The following SETBP1 variants were observed in gnomAD, a reference collection of about 807,000 sequenced individuals.
SETBP1 encodes SET binding protein 1, also known as SET-binding protein.
A neutral mutation model predicts 101.0 loss-of-function variants in SETBP1; 9 were observed. The observed-to-expected ratio is 0.09, with a 90% CI of 0.05 to 0.16. The LOEUF (loss-of-function observed/expected upper bound fraction) is 0.16. Ranked by LOEUF, SETBP1 falls within the 10% of genes least tolerant of loss-of-function variation. The pLI is 1.00. For synonymous variants in SETBP1, 818 were observed against 788.5 expected (o/e 1.04, Z -0.63); for missense variants, 1,858 against 2,033.8 (o/e 0.91, Z 1.66).
At chr18:45,044,308 A>C (rs1292661226) in intron 5 of SETBP1, among the ~76,000 whole-genome samples, 1 of 152,202 alleles carries the variant, frequency 6.6e-6, no homozygotes, top group Admixed American at 6.5e-5. Flanking sequence ...CTTAAATTTA[A>C]AGCAATCGTT....
chr18:44,936,370 G>T (rs1324783079), intron 3 of SETBP1, among the ~76,000 whole-genome samples: 1 of 152,178 alleles, frequency 6.6e-6, no homozygotes, highest in Non-Finnish European at 1.5e-5. Flanking sequence ...ATTCCAATTA[G>T]CCCCTCCAAG....
intron 3 of SETBP1, among the ~76,000 whole-genome samples, chr18:44,882,671 G>A (rs2069557412): frequency 6.6e-6 from 1 of 152,098 alleles, no homozygotes; most frequent in South Asian, 2.1e-4. Context: ...AGGGCTCCCT[G>A]TTCACAAGGA....
At chr18:44,766,405 A>G (rs1475995916) in intron 2 of SETBP1, among the ~76,000 whole-genome samples, 1 of 152,246 alleles carries the variant, frequency 6.6e-6, no homozygotes, top group African/African-American at 2.4e-5. Flanking sequence ...TACAACATGG[A>G]TGAGACTTGA....
intron 4 of SETBP1, among the ~76,000 whole-genome samples, chr18:44,972,834 T>C (rs906158899): frequency 1.3e-5 from 2 of 152,246 alleles, no homozygotes; most frequent in Non-Finnish European, 2.9e-5. Context: ...AGGGACAATT[T>C]GACTTCCTCT....
intron 3 of SETBP1, among the ~76,000 whole-genome samples, chr18:44,936,652 G>C (rs1022595792): frequency 2.6e-5 from 4 of 152,190 alleles, no homozygotes; most frequent in African/African-American, 9.7e-5. Context: ...TTTGCTCTCA[G>C]TTGCAGTGAC....
chr18:44,699,682 C>T (rs755364439), intron 1 of SETBP1, among the ~76,000 whole-genome samples: 10 of 152,146 alleles, frequency 6.6e-5, no homozygotes, highest in Admixed American at 2.0e-4. Flanking sequence ...GAATCTTCCC[C>T]GAAGTGGAAG....
intron 5 of SETBP1, among the ~76,000 whole-genome samples, chr18:45,051,637 C>G (rs2073723263): frequency 6.6e-6 from 1 of 152,214 alleles, no homozygotes; most frequent in Non-Finnish European, 1.5e-5. Flanking sequence ...CTCTCTCCCT[C>G]TAATGTATAA....
intron 1 of SETBP1, among the ~76,000 whole-genome samples, chr18:44,699,814 A>G (rs1170563719): frequency 6.6e-6 from 1 of 152,192 alleles, no homozygotes; most frequent in Non-Finnish European, 1.5e-5. Flanking sequence ...TGGCTTCCTC[A>G]CAGGGCGTCA....
In SETBP1 at chr18:44,776,385, C is replaced by A. The variant is rs921835178; in HGVS notation, c.486+74553C>A. On this transcript the variant is annotated intron_variant, in intron 2 of 5. Coordinates refer to ENST00000649279, the MANE Select transcript of SETBP1 (RefSeq NM_015559.3). The stretch of plus-strand genomic sequence containing the variant: ...GCTAGATTGTTTTTTTTCTAAAAGG[C>A]CAAAGAAAATATGATTTCAAAACCA... 2.0e-5 allele frequency among the ~76,000 whole-genome samples: 3 copies of A among 152,014 alleles called. No homozygotes were observed. In the East Asian group the frequency reaches 5.8e-4, roughly 29 times the overall value.
intron 2 of SETBP1, among the ~76,000 whole-genome samples, chr18:44,840,374 G>T (rs142521785): frequency 6.6e-6 from 1 of 152,310 alleles, no homozygotes; most frequent in Non-Finnish European, 1.5e-5. Flanking sequence ...AGGGGCTCAT[G>T]CTTAGTGGCA....
intron 5 of SETBP1, among the ~76,000 whole-genome samples, chr18:45,057,854 A>C (rs147161920): frequency 6.6e-6 from 1 of 152,258 alleles, no homozygotes; most frequent in South Asian, 2.1e-4. Context: ...AGAATCTTCT[A>C]TATAACTAAG....
Position 44,701,185 on chromosome 18 carries a change from G to C in SETBP1, c.-162G>C. 3.1e-6 allele frequency: 2 copies of C among 655,474 alleles called. No individual in the cohort carries two copies. The highest frequency in any genetic ancestry group is 4.8e-6 in the Non-Finnish European group (2 of 415,458). 40.6% of individuals were successfully genotyped at this position (655,474 alleles called of 1,614,324 possible). ...CTCTTTGCTTCTCAGTTGCAGATCT[G>C]ATCTCTTCTGAACACCTCATCGTGT... On this transcript the variant is annotated 5_prime_UTR_variant, in exon 2 of 6. Transcript: ENST00000649279.
chr18:45,058,439 G>A (rs945814075), intron 5 of SETBP1, among the ~76,000 whole-genome samples: 5 of 152,100 alleles, frequency 3.3e-5, no homozygotes, highest in Non-Finnish European at 5.9e-5. Flanking sequence ...CCCCACATTT[G>A]GGGATGCAAT....
chr18:44,810,828 G>A (rs906597196), intron 2 of SETBP1, among the ~76,000 whole-genome samples: 1 of 152,210 alleles, frequency 6.6e-6, no homozygotes, highest in African/African-American at 2.4e-5. Context: ...TCTCAAGCCT[G>A]AAGGGACACT....
chr18:44,878,191 G>C (rs1172435585), intron 3 of SETBP1, among the ~76,000 whole-genome samples: 1 of 152,132 alleles, frequency 6.6e-6, no homozygotes, highest in African/African-American at 2.4e-5. Flanking sequence ...ACAAAGTGAG[G>C]CCAACTGGTT....
intron 2 of SETBP1, among the ~76,000 whole-genome samples, chr18:44,799,873 A>G (rs1354003474): frequency 1.3e-5 from 2 of 152,094 alleles, no homozygotes; most frequent in Admixed American, 6.6e-5. Flanking sequence ...AGGAACCTGA[A>G]TGTGTAGGTA....
chr18:44,828,180 A>G (rs2072277187), intron 2 of SETBP1, among the ~76,000 whole-genome samples: 1 of 152,192 alleles, frequency 6.6e-6, no homozygotes, highest in Non-Finnish European at 1.5e-5. Context: ...TTTAAAAAAA[A>G]AAGATCAGCA....
chr18:44,975,234 C>A (rs2071959975), intron 4 of SETBP1, among the ~76,000 whole-genome samples: 1 of 152,214 alleles, frequency 6.6e-6, no homozygotes, highest in South Asian at 2.1e-4. Context: ...TAAACCCTGT[C>A]TGCATCTGCA....
At chr18:45,031,830 T>A (rs888924280) in intron 4 of SETBP1, among the ~76,000 whole-genome samples, 4 of 152,186 alleles carry the variant, frequency 2.6e-5, no homozygotes, top group Non-Finnish European at 5.9e-5. Context: ...AGAAGTATGT[T>A]CAGGATGGTG....
Sources: gnomAD v4.1 joint callset for allele counts (sites outside exome capture counted in the v4.1 genomes callset) on GRCh38, gnomAD v4.1.1 for gene constraint, MANE v1.5 for transcripts, NCBI Gene and HGNC (gene_info 2026-07-23, HGNC 2026-07-21) for gene names.